The following ATP2B2 variants were observed in gnomAD, a reference collection of about 807,000 sequenced individuals.
The protein encoded by ATP2B2 is plasma membrane calcium-transporting ATPase 2.
A neutral mutation model predicts 120.0 loss-of-function variants in ATP2B2; 15 were observed. That is an observed-to-expected ratio of 0.12 (90% confidence interval 0.08 to 0.19). The LOEUF is 0.19. Ranked by LOEUF, ATP2B2 falls within the 10% of genes least tolerant of loss-of-function variation. ATP2B2 has a pLI of 1.00. For synonymous variants in ATP2B2, 694 were observed against 700.3 expected, an observed-to-expected ratio of 0.99 and a Z score of 0.14; for missense variants, 1,045 against 1,719.8, an observed-to-expected ratio of 0.61 and a Z score of 6.94.
chr3:10,684,995 G>C (rs369209686), intron 1 of ATP2B2, among the ~76,000 whole-genome samples: 103 of 152,316 alleles, frequency 6.8e-4, no homozygotes, highest in African/African-American at 2.4e-3. Flanking sequence ...TCACAGTTTT[G>C]AGGGAATTTA....
At chr3:10,671,132 A>T (rs974499905) in intron 1 of ATP2B2, among the ~76,000 whole-genome samples, 3 of 152,238 alleles carry the variant, frequency 2.0e-5, no homozygotes. Context: ...GGCCTGAATC[A>T]CACTATCCTG....
At chr3:10,697,433 A>G (rs957906298) in intron 1 of ATP2B2, among the ~76,000 whole-genome samples, 9 of 152,222 alleles carry the variant, frequency 5.9e-5, no homozygotes, top group African/African-American at 1.9e-4. Flanking sequence ...CTCCATAGAG[A>G]CACAGGAAAG....
intron 3 of ATP2B2, among the ~76,000 whole-genome samples, chr3:10,514,116 A>G (rs1026932766): frequency 6.6e-6 from 1 of 152,188 alleles, no homozygotes; most frequent in Non-Finnish European, 1.5e-5. Flanking sequence ...AAATGGAGGC[A>G]CAGAGATGTC....
chr3:10,412,105 G>A (rs1343582928), intron 2 of ATP2B2, among the ~76,000 whole-genome samples: 1 of 152,234 alleles, frequency 6.6e-6, no homozygotes, highest in Non-Finnish European at 1.5e-5. Flanking sequence ...CTTCCACCCA[G>A]CAGAGCCAGG....
At chr3:10,513,038 G>A (rs2066803879) in intron 3 of ATP2B2, among the ~76,000 whole-genome samples, 1 of 152,214 alleles carries the variant, frequency 6.6e-6, no homozygotes, top group Admixed American at 6.5e-5. Flanking sequence ...GCTAGGTGCT[G>A]AGAATACAGT....
At chr3:10,411,657 T>C (rs2062615868) in intron 2 of ATP2B2, among the ~76,000 whole-genome samples, 1 of 152,184 alleles carries the variant, frequency 6.6e-6, no homozygotes, top group Non-Finnish European at 1.5e-5. Context: ...ATTCATGTGG[T>C]CCATGAGCAT....
At chr3:10,638,244 A>C (rs1165855725) in intron 1 of ATP2B2, among the ~76,000 whole-genome samples, 1 of 152,198 alleles carries the variant, frequency 6.6e-6, no homozygotes, top group Admixed American at 6.5e-5. Context: ...GATTTAAAAA[A>C]CATTTAAAAT....
chr3:10,498,820 A>G (rs990015139), intron 1 of ATP2B2, among the ~76,000 whole-genome samples: 3 of 152,256 alleles, frequency 2.0e-5, no homozygotes, highest in African/African-American at 7.2e-5. Context: ...CTATGGCACG[A>G]CTGCTCCCAA....
At position 10,342,692 on chromosome 3, in the gene ATP2B2, T is replaced by C. The variant is rs913100464; in HGVS notation, c.2917+60A>G. On this transcript the variant is annotated intron_variant, in intron 19 of 22. Coordinates refer to ENST00000360273, the MANE Select transcript of ATP2B2 (RefSeq NM_001001331.4). The surrounding 1 kb of genome is among the most constrained non-coding windows in gnomAD (Gnocchi z 4.4). ...ACTCGAGAATGCTGGGTGAGAGCCA[T>C]GGTGCACCCAGAAGGTGATGACCCC... The C allele has an allele frequency of 1.9e-6, 3 of 1,563,946 alleles. No homozygotes were observed. The highest frequency in any genetic ancestry group is 1.7e-4 in the Middle Eastern group (1 of 5,974).
intron 1 of ATP2B2, among the ~76,000 whole-genome samples, chr3:10,498,277 G>A (rs1054074787): frequency 6.6e-6 from 1 of 152,246 alleles, no homozygotes; most frequent in Non-Finnish European, 1.5e-5. Flanking sequence ...GTGACCCCAA[G>A]CAGCCTGGGC....
chr3:10,392,507 GAC>G (rs1400894227), intron 5 of ATP2B2, among the ~76,000 whole-genome samples: 1 of 152,216 alleles, frequency 6.6e-6, no homozygotes, highest in Non-Finnish European at 1.5e-5. Flanking sequence ...CAGAGCAACA[GAC>G]ATCCAAGTCA....
At chr3:10,392,128 G>A (rs115909912) in intron 5 of ATP2B2, among the ~76,000 whole-genome samples, 1 of 152,072 alleles carries the variant, frequency 6.6e-6, no homozygotes, top group Non-Finnish European at 1.5e-5. Context: ...ACCTGACCAT[G>A]AGCCCCTTGA....
At chr3:10,511,876 CGT>C (rs1008912778) in intron 3 of ATP2B2, among the ~76,000 whole-genome samples, 8 of 152,116 alleles carry the variant, frequency 5.3e-5, no homozygotes, top group African/African-American at 1.7e-4. Flanking sequence ...CTAACATTGA[CGT>C]GTGTGTGTTT....
intron 1 of ATP2B2, among the ~76,000 whole-genome samples, chr3:10,631,943 C>T (rs2069877016): frequency 6.6e-6 from 1 of 152,214 alleles, no homozygotes; most frequent in Non-Finnish European, 1.5e-5. Context: ...TATTGTTGCA[C>T]ATCCAGAAGA....
At chr3:10,639,081 AGGCAAAGTT>A (rs2070100381) in intron 1 of ATP2B2, among the ~76,000 whole-genome samples, 1 of 152,236 alleles carries the variant, frequency 6.6e-6, no homozygotes, top group Non-Finnish European at 1.5e-5. Flanking sequence ...TTGCAACTTT[AGGCAAAGTT>A]GGGCAAATAT....
intron 1 of ATP2B2, among the ~76,000 whole-genome samples, chr3:10,629,275 G>C (rs1422470022): frequency 1.3e-5 from 2 of 152,146 alleles, no homozygotes; most frequent in Non-Finnish European, 2.9e-5. Context: ...ACGCGCTGCG[G>C]GCAACTGCCA....
At chr3:10,500,063 G>A (rs574176905) in intron 1 of ATP2B2, among the ~76,000 whole-genome samples, 27 of 151,498 alleles carry the variant, frequency 1.8e-4, no homozygotes, top group Admixed American at 1.3e-3. Context: ...AGCCTCCTGA[G>A]TAGCTGGATT....
rs537354992 is a variant in ATP2B2, at chr3:10,683,792, A to G, written c.-460+24123T>C. Among the ~76,000 whole-genome samples the G allele has an allele frequency of 6.5e-3, 804 of 124,158 alleles. 32 individuals carry two copies. Among genetic ancestry groups the G allele is most frequent in the Admixed American group, 0.014 (176 of 12,440 alleles). The allele number at this position is 124,158 out of a possible 152,430, so 81.5% of individuals were successfully genotyped here. On this transcript the variant is annotated intron_variant, in intron 1 of 21. Transcript: ENST00000646379. ...TATATATATATATATATATATATAT[A>G]TATATATATATATGTAAAGAGACAG... is the stretch of plus-strand genomic sequence containing the variant.
At chr3:10,463,935 G>T (rs935926209) in intron 1 of ATP2B2, among the ~76,000 whole-genome samples, 1 of 152,100 alleles carries the variant, frequency 6.6e-6, no homozygotes, top group Non-Finnish European at 1.5e-5. Flanking sequence ...GGCACATGCC[G>T]CTGCCTACCT....
Sources: gnomAD v4.1 joint callset for allele counts (sites outside exome capture counted in the v4.1 genomes callset) on GRCh38, gnomAD v4.1.1 for gene constraint, Gnocchi (gnomAD v3.1) non-coding constraint, MANE v1.5 for transcripts, NCBI Gene and HGNC (gene_info 2026-07-23, HGNC 2026-07-21) for gene names.